PCSK2: variants seen among roughly 807,000 people sequenced by gnomAD.
PCSK2 encodes neuroendocrine convertase 2.
Under a neutral mutation model 69.7 loss-of-function variants are expected in PCSK2, and 14 were observed. That is an observed-to-expected ratio of 0.20 (90% CI 0.13 to 0.31). The LOEUF (loss-of-function observed/expected upper bound fraction) is 0.31. Ranked by LOEUF, PCSK2 falls within the 10% of genes least tolerant of loss-of-function variation. The probability of loss-of-function intolerance (pLI) is 1.00; values close to 1 mark genes in which losing one functional copy is unlikely to be tolerated. For synonymous variants in PCSK2, 307 were observed against 320.7 expected (o/e 0.96, Z 0.46); for missense variants, 544 against 842.5 (o/e 0.65, Z 4.39).
At chr20:17,303,490 TATTTAATATAATATATATTATATATA>T (rs1218343298) in intron 2 of PCSK2, among the ~76,000 whole-genome samples, 4 of 52,548 alleles carry the variant, frequency 7.6e-5, no homozygotes, top group Non-Finnish European at 1.6e-4. Flanking sequence ...ATATATATTA[TATTTAATATAATATATATTATATATA>T]ATATAATATA....
In PCSK2 at chr20:17,237,193, A is replaced by G. The variant is rs549061751; in HGVS notation, c.177+9711A>G. 4.6e-5 allele frequency among the ~76,000 whole-genome samples: 7 copies of G among 152,304 alleles called. No homozygotes were observed. In the East Asian group the frequency reaches 1.4e-3, roughly 29 times the overall value. ...TGAGAGAGATGAAAGGGAGAGAGCT[A>G]TGGTTGGTGAGTGGGATATTGAAGC... On this transcript the variant is annotated intron_variant, in intron 1 of 11. Transcript: ENST00000262545.
At chr20:17,414,529 T>C (rs2031953074) in intron 6 of PCSK2, among the ~76,000 whole-genome samples, 1 of 152,100 alleles carries the variant, frequency 6.6e-6, no homozygotes, top group Admixed American at 6.5e-5. Flanking sequence ...GCTCTGAAAT[T>C]GAGGCAATAA....
chr20:17,435,324 A>G (rs1308787941), intron 7 of PCSK2, among the ~76,000 whole-genome samples: 1 of 152,356 alleles, frequency 6.6e-6, no homozygotes, highest in East Asian at 1.9e-4. Context: ...CACATGCCCT[A>G]TACTCAAAGA....
rs377389971 is a variant in PCSK2 at position 17,436,407 on chromosome 20, G to A, written c.710-301G>A. 4.6e-5 allele frequency among the ~76,000 whole-genome samples: 7 copies of A among 152,316 alleles called. No individual in the cohort carries two copies. The East Asian group carries it at 9.6e-4, about 21-fold the overall frequency. ...TGAGGCCAAGCTTCTACTTAGAAAC[G>A]AGCTTATCAAAGCATCGCTTCAGCA... On this transcript the variant is annotated intron_variant, in intron 7 of 11. Transcript: ENST00000262545.
intron 10 of PCSK2, chr20:17,465,003 A>T: frequency 2.7e-6 from 1 of 368,826 alleles, no homozygotes; most frequent in Non-Finnish European, 5.1e-6. Context: ...TCCACAAAGT[A>T]CATGTGTTCC....
intron 6 of PCSK2, among the ~76,000 whole-genome samples, chr20:17,425,239 C>G (rs2123330538): frequency 6.6e-6 from 1 of 151,958 alleles, no homozygotes; most frequent in African/African-American, 2.4e-5. Context: ...TAAGCCTGAG[C>G]CAAAATGGAA....
chr20:17,341,747 C>T (rs956665505), intron 2 of PCSK2, among the ~76,000 whole-genome samples: 1 of 152,162 alleles, frequency 6.6e-6, no homozygotes, highest in Non-Finnish European at 1.5e-5. Context: ...AAAAATGATT[C>T]TGGCAGAAAA....
At chr20:17,436,650 T>C in intron 7 of PCSK2, 58 bp from the exon 8 acceptor site, 2 of 1,496,626 alleles carry the variant, frequency 1.3e-6, no homozygotes, top group Non-Finnish European at 1.8e-6. Flanking sequence ...CTCCACCTCC[T>C]TGTCTCCTGC....
chr20:17,363,328 T>G (rs1451788863), intron 4 of PCSK2, among the ~76,000 whole-genome samples: 1 of 152,206 alleles, frequency 6.6e-6, no homozygotes, highest in African/African-American at 2.4e-5. Flanking sequence ...TTCACGTAGG[T>G]ACAAAGCAAT....
intron 1 of PCSK2, among the ~76,000 whole-genome samples, chr20:17,245,227 G>A (rs560718157): frequency 1.3e-5 from 2 of 152,286 alleles, no homozygotes; most frequent in African/African-American, 4.8e-5. Context: ...ATTCTATGAA[G>A]TGCACCTGCT....
intron 10 of PCSK2, among the ~76,000 whole-genome samples, chr20:17,462,523 CT>C (rs1166767628): frequency 3.9e-5 from 6 of 152,238 alleles, no homozygotes; most frequent in South Asian, 2.1e-4. Context: ...AGAGGCTCCA[CT>C]GATGCCTCCC....
chr20:17,235,105 A>G (rs1047020202), intron 1 of PCSK2, among the ~76,000 whole-genome samples: 22 of 152,218 alleles, frequency 1.4e-4, no homozygotes, highest in Non-Finnish European at 2.6e-4. Context: ...TGCGAGACAC[A>G]TATGAAAATA....
chr20:17,353,280 G>A (rs1469773450), intron 2 of PCSK2, among the ~76,000 whole-genome samples: 1 of 136,644 alleles, frequency 7.3e-6, no homozygotes, highest in Admixed American at 7.9e-5. Flanking sequence ...GGCCAACACT[G>A]TGAAACCCTG....
At chr20:17,479,062 T>G (rs2033342467) in intron 11 of PCSK2, 2 of 1,237,714 alleles carry the variant, frequency 1.6e-6, no homozygotes, top group African/African-American at 3.0e-5. Context: ...AGTTAATGGC[T>G]TTAACCCAAC....
intron 2 of PCSK2, among the ~76,000 whole-genome samples, chr20:17,288,687 A>G (rs1329133233): frequency 6.6e-6 from 1 of 152,256 alleles, no homozygotes; most frequent in African/African-American, 2.4e-5. Flanking sequence ...ACAGACACAC[A>G]GAAGAAAGAC....
At chr20:17,301,116 AG>A (rs1989065946) in intron 2 of PCSK2, among the ~76,000 whole-genome samples, 1 of 152,246 alleles carries the variant, frequency 6.6e-6, no homozygotes, top group Admixed American at 6.5e-5. Flanking sequence ...GCAAGACACT[AG>A]GATTGCAGAC....
chr20:17,425,721 C>T (rs2032233875), intron 6 of PCSK2, among the ~76,000 whole-genome samples: 1 of 152,158 alleles, frequency 6.6e-6, no homozygotes, highest in African/African-American at 2.4e-5. Flanking sequence ...GGTGGAGCAG[C>T]TCTCCTCTAA....
intron 6 of PCSK2, among the ~76,000 whole-genome samples, chr20:17,413,601 A>C (rs2031928439): frequency 6.6e-6 from 1 of 152,214 alleles, no homozygotes; most frequent in African/African-American, 2.4e-5. Context: ...TTAACACCCC[A>C]CTGTCAATAT....
chr20:17,361,502 T>G (rs2030395169), intron 4 of PCSK2, among the ~76,000 whole-genome samples: 1 of 152,248 alleles, frequency 6.6e-6, no homozygotes, highest in South Asian at 2.1e-4. Flanking sequence ...ATCACCCATC[T>G]GGGTCTGCCA....
Sources: allele counts gnomAD v4.1 joint callset (sites outside exome capture counted in the v4.1 genomes callset), GRCh38; gene constraint gnomAD v4.1.1; transcripts MANE v1.5; gene names NCBI Gene and HGNC (gene_info 2026-07-23, HGNC 2026-07-21).